The following ERBB4 variants were observed in gnomAD, a reference collection of about 807,000 sequenced individuals.
ERBB4 encodes the protein receptor tyrosine-protein kinase erbB-4.
Under a neutral mutation model 158.0 loss-of-function variants are expected in ERBB4, and 42 were observed. That is an observed-to-expected ratio of 0.27 (90% CI 0.21 to 0.34). ERBB4 has a LOEUF of 0.34. Ranked by LOEUF, ERBB4 falls within the 10% of genes least tolerant of loss-of-function variation. The pLI is 1.00. For missense variants in ERBB4, 1,333 were observed against 1,624.1 expected, an observed-to-expected ratio of 0.82 and a Z score of 3.08; for synonymous variants, 583 against 558.7, an observed-to-expected ratio of 1.04 and a Z score of -0.61.
chr2:212,130,327 C>T (rs2080072194), intron 1 of ERBB4, among the ~76,000 whole-genome samples: 1 of 152,106 alleles, frequency 6.6e-6, no homozygotes, highest in South Asian at 2.1e-4. Flanking sequence ...CTCAATTATT[C>T]TATTTGTATT....
At chr2:211,696,701 T>G (rs57089308) in intron 12 of ERBB4, among the ~76,000 whole-genome samples, 8,599 of 151,884 alleles carry the variant, frequency 0.057, 716 homozygotes, top group African/African-American at 0.19. Context: ...AAGGAATCAC[T>G]CTCTGTTGCC....
intron 1 of ERBB4, among the ~76,000 whole-genome samples, chr2:212,496,744 C>G (rs976618392): frequency 6.6e-6 from 1 of 152,146 alleles, no homozygotes; most frequent in African/African-American, 2.4e-5. Context: ...TCTATGCTGA[C>G]TTCATAAAAT....
chr2:212,470,421 C>T (rs2106114321), intron 1 of ERBB4, among the ~76,000 whole-genome samples: 1 of 152,226 alleles, frequency 6.6e-6, no homozygotes, highest in Non-Finnish European at 1.5e-5. Flanking sequence ...ATAGGACCAA[C>T]TCCTCCCAGC....
chr2:212,369,603 G>A (rs2090014503), intron 1 of ERBB4, among the ~76,000 whole-genome samples: 1 of 151,646 alleles, frequency 6.6e-6, no homozygotes, highest in South Asian at 2.1e-4. Context: ...TGTATATTAT[G>A]GCATTTGTTT....
chr2:211,393,483 T>C (rs1462918861), intron 25 of ERBB4, among the ~76,000 whole-genome samples: 1 of 152,190 alleles, frequency 6.6e-6, no homozygotes, highest in Non-Finnish European at 1.5e-5. Flanking sequence ...TTAGCATTTC[T>C]ATTCTTACTC....
intron 2 of ERBB4, among the ~76,000 whole-genome samples, chr2:212,073,492 C>G (rs1375772234): frequency 4.6e-5 from 7 of 151,884 alleles, no homozygotes; most frequent in Non-Finnish European, 1.0e-4. Flanking sequence ...GTGGCCAGAA[C>G]AATATATAAA....
At chr2:211,758,946 G>A (rs893941792) in intron 4 of ERBB4, among the ~76,000 whole-genome samples, 1 of 152,138 alleles carries the variant, frequency 6.6e-6, no homozygotes, top group Non-Finnish European at 1.5e-5. Context: ...ACTTCCAACT[G>A]CTTACGAACC....
At chr2:212,054,042 A>G (rs1477577745) in intron 2 of ERBB4, among the ~76,000 whole-genome samples, 1 of 152,188 alleles carries the variant, frequency 6.6e-6, no homozygotes, top group African/African-American at 2.4e-5. Context: ...TGGCGTCTAC[A>G]GAAAAAGCTG....
intron 20 of ERBB4, among the ~76,000 whole-genome samples, chr2:211,525,121 G>C (rs1486062596): frequency 6.6e-6 from 1 of 152,110 alleles, no homozygotes; most frequent in Non-Finnish European, 1.5e-5. Context: ...AGGAAGTCTG[G>C]GCCACAAAGA....
At chr2:212,297,859 C>A (rs2086470829) in intron 1 of ERBB4, among the ~76,000 whole-genome samples, 2 of 151,412 alleles carry the variant, frequency 1.3e-5, no homozygotes, top group African/African-American at 4.8e-5. Flanking sequence ...CAAACTTCCT[C>A]AAAATACTAC....
chr2:211,540,538 TTTTTTG>T (rs1041021297), intron 20 of ERBB4, among the ~76,000 whole-genome samples: 24 of 151,680 alleles, frequency 1.6e-4, no homozygotes, highest in Middle Eastern at 3.4e-3. Context: ...TTTTTGGTGT[TTTTTTG>T]TTTTTGTTTT....
At chr2:211,429,758 G>A (rs555686128) in intron 21 of ERBB4, among the ~76,000 whole-genome samples, 21 of 152,302 alleles carry the variant, frequency 1.4e-4, no homozygotes, top group African/African-American at 2.6e-4. Context: ...ATTTCCCTAC[G>A]GGCAAGGAGT....
intron 5 of ERBB4, among the ~76,000 whole-genome samples, chr2:211,737,763 T>TTATATATATAAATATATAAACAATACCAA (rs1163713253): frequency 6.6e-6 from 1 of 152,164 alleles, no homozygotes; most frequent in Non-Finnish European, 1.5e-5. Context: ...TATTGGCTCT[T>TTATATATATAAATATATAAACAATACCAA]GGTATTGTTA....
intron 1 of ERBB4, among the ~76,000 whole-genome samples, chr2:212,307,950 T>C (rs2086874343): frequency 6.6e-6 from 1 of 150,834 alleles, no homozygotes; most frequent in African/African-American, 2.4e-5. Context: ...AATACTAGAT[T>C]GAAGTCCCCG....
At chr2:211,829,480 G>A (rs992868518) in intron 3 of ERBB4, among the ~76,000 whole-genome samples, 42 of 151,998 alleles carry the variant, frequency 2.8e-4, no homozygotes, top group Admixed American at 2.0e-3. Flanking sequence ...TACTTTCTAC[G>A]TCATCACTCT....
At chr2:211,968,648 T>C (rs1272534797) in intron 2 of ERBB4, among the ~76,000 whole-genome samples, 1 of 152,044 alleles carries the variant, frequency 6.6e-6, no homozygotes, top group African/African-American at 2.4e-5. Context: ...AAAATGACCA[T>C]TGGCTTGGAT....
intron 2 of ERBB4, among the ~76,000 whole-genome samples, chr2:211,952,893 A>G (rs1245355569): frequency 1.3e-5 from 2 of 152,066 alleles, no homozygotes; most frequent in Admixed American, 1.3e-4. Flanking sequence ...AAAAAATTAT[A>G]ATATCATTAC....
At chr2:211,653,643 T>C (rs973831257) in intron 16 of ERBB4, among the ~76,000 whole-genome samples, 1 of 152,062 alleles carries the variant, frequency 6.6e-6, no homozygotes, top group African/African-American at 2.4e-5. Flanking sequence ...AGTTAAAATA[T>C]GGTTTAAGAA....
At chr2:212,187,658 T>A (rs2082054910) in intron 1 of ERBB4, among the ~76,000 whole-genome samples, 1 of 152,130 alleles carries the variant, frequency 6.6e-6, no homozygotes, top group Non-Finnish European at 1.5e-5. Flanking sequence ...GTTACTAATT[T>A]GTAGAATTAA....
Sources: allele counts gnomAD v4.1 joint callset (sites outside exome capture counted in the v4.1 genomes callset), GRCh38; gene constraint gnomAD v4.1.1; transcripts MANE v1.5; gene names NCBI Gene and HGNC (gene_info 2026-07-23, HGNC 2026-07-21).